The following R3HDM2 variants were observed in gnomAD, a reference collection of about 807,000 sequenced individuals.
R3HDM2 encodes the protein R3H domain-containing protein 2.
A neutral mutation model predicts 124.5 loss-of-function variants in R3HDM2; 38 were observed. The observed-to-expected ratio is 0.31, with a 90% CI of 0.24 to 0.40. R3HDM2 has a LOEUF of 0.40. Among genes scored for constraint, R3HDM2 ranks in the 10% least tolerant of loss-of-function variants. The probability of loss-of-function intolerance (pLI) is 1.00; values close to 1 mark genes in which losing one functional copy is unlikely to be tolerated. For synonymous variants in R3HDM2, 391 were observed against 448.0 expected, an observed-to-expected ratio of 0.87 and a Z score of 1.61; for missense variants, 869 against 1,236.9, an observed-to-expected ratio of 0.70 and a Z score of 4.46.
At chr12:57,375,422 A>G (rs1036242080) in intron 2 of R3HDM2, among the ~76,000 whole-genome samples, 9 of 152,216 alleles carry the variant, frequency 5.9e-5, no homozygotes, top group Non-Finnish European at 8.8e-5. Context: ...AATCAGATGA[A>G]TATCAGATGA....
intron 2 of R3HDM2, among the ~76,000 whole-genome samples, chr12:57,360,209 G>A (rs956571319): frequency 6.6e-6 from 1 of 151,312 alleles, no homozygotes; most frequent in Non-Finnish European, 1.5e-5. Context: ...TGAATTTTTA[G>A]TAGAGACAGG....
chr12:57,342,971 T>C (rs1450710785), intron 2 of R3HDM2, among the ~76,000 whole-genome samples: 4 of 152,102 alleles, frequency 2.6e-5, no homozygotes, highest in Non-Finnish European at 4.4e-5. Context: ...GAAAAATACT[T>C]TGGCTATAAA....
At chr12:57,381,971 A>G (rs2064952280) in intron 2 of R3HDM2, among the ~76,000 whole-genome samples, 1 of 150,976 alleles carries the variant, frequency 6.6e-6, no homozygotes. Flanking sequence ...ATGCACCACC[A>G]TGCCTGGCTA....
chr12:57,394,320 G>A (rs2067169044), intron 2 of R3HDM2, among the ~76,000 whole-genome samples: 1 of 151,592 alleles, frequency 6.6e-6, no homozygotes, highest in Non-Finnish European at 1.5e-5. Context: ...GAAAAGAAAT[G>A]GCACAGCGGG....
In R3HDM2 at chr12:57,296,279, A is replaced by C. The variant is rs2049862333; in HGVS notation, c.701+132T>G. On this transcript the variant is annotated intron_variant, in intron 9 of 23. Transcript: ENST00000402412. This position sits in a 1 kb window ranked among gnomAD's most constrained non-coding sequence, Gnocchi z 4.5. ...GCAGTCTTCCCATCTTGGCCTCCCA[A>C]AGTGCTGGGATTACAGGTGTGAGCC... The C allele has an allele frequency of 6.6e-6, 7 of 1,059,816 alleles. No individual in the cohort carries two copies. The highest frequency in any genetic ancestry group is 9.5e-6 in the Non-Finnish European group (7 of 738,186). The allele number at this position is 1,059,816 out of a possible 1,614,324, so 65.7% of individuals were successfully genotyped here.
intron 2 of R3HDM2, among the ~76,000 whole-genome samples, chr12:57,363,084 A>C (rs1430432874): frequency 6.6e-6 from 1 of 152,196 alleles, no homozygotes; most frequent in Non-Finnish European, 1.5e-5. Flanking sequence ...TGGCCTCCCA[A>C]AGTGCTGGAA....
chr12:57,356,255 T>G (rs572786184), intron 2 of R3HDM2, among the ~76,000 whole-genome samples: 4 of 152,164 alleles, frequency 2.6e-5, no homozygotes, highest in Non-Finnish European at 5.9e-5. Flanking sequence ...TTATTCAGAG[T>G]TTTTAACATG....
chr12:57,288,463 A>G (rs2047892721), intron 12 of R3HDM2, among the ~76,000 whole-genome samples: 1 of 151,932 alleles, frequency 6.6e-6, no homozygotes, highest in African/African-American at 2.4e-5. Context: ...ATGCTGGGTC[A>G]GGAATAATGT....
At chr12:57,402,799 C>T (rs2068158053) in intron 1 of R3HDM2, among the ~76,000 whole-genome samples, 1 of 152,028 alleles carries the variant, frequency 6.6e-6, no homozygotes, top group Non-Finnish European at 1.5e-5. Context: ...TCAAGTGATC[C>T]ACCTGCCTTG....
rs113140082 is a variant in R3HDM2 at position 57,296,177 on chromosome 12, C to CTT, written c.701+232_701+233dup. ...GCCACTGCGCCCGGCCATTTTTAAA[C>CTT]TTTTTTTTTTTTTTTAAAGTAATAG... On this transcript the variant is annotated intron_variant, in intron 9 of 23. Transcript: ENST00000402412. This position sits in a 1 kb window ranked among gnomAD's most constrained non-coding sequence, Gnocchi z 4.5. Among the ~76,000 whole-genome samples the CTT allele has an allele frequency of 7.0e-6, 1 of 143,442 alleles. No homozygotes were observed. The highest frequency in any genetic ancestry group is 2.5e-5 in the African/African-American group (1 of 39,362). 94.1% of individuals were successfully genotyped at this position (143,442 alleles called of 152,430 possible). A position where few individuals can be genotyped will look rare whatever the true frequency, so the allele number is the denominator to read the frequency against.
intron 21 of R3HDM2, 39 bp downstream of exon 21, chr12:57,257,951 G>T (rs1484831095): frequency 1.4e-6 from 2 of 1,431,996 alleles, no homozygotes; most frequent in South Asian, 3.4e-5. Flanking sequence ...GATGTGAAAG[G>T]TGAATTCCAT....
chr12:57,418,242 A>G, intron 1 of R3HDM2: 39 of 985,354 alleles, frequency 4.0e-5, no homozygotes, highest in Non-Finnish European at 4.7e-5. Flanking sequence ...CAATCTCCAA[A>G]TTCTGGAACC....
intron 2 of R3HDM2, among the ~76,000 whole-genome samples, chr12:57,359,333 A>T (rs1286610813): frequency 1.3e-5 from 2 of 152,194 alleles, no homozygotes; most frequent in Non-Finnish European, 2.9e-5. Flanking sequence ...AATGCTAGGT[A>T]TAGGTATGCA....
intron 19 of R3HDM2, 101 bp from the exon 20 acceptor site, chr12:57,259,160 C>T (rs1452178770): frequency 1.6e-6 from 2 of 1,228,004 alleles, no homozygotes; most frequent in Non-Finnish European, 2.3e-6. Flanking sequence ...CACCCATTGC[C>T]TCAGGGTCAC....
intron 13 of R3HDM2, among the ~76,000 whole-genome samples, chr12:57,280,930 T>TAG (rs113415134): frequency 0.96 from 145,629 of 151,070 alleles, 70,387 homozygotes; most frequent in South Asian, 1. Context: ...GTCCTTTTGC[T>TAG]AGAGAGAGAG....
chr12:57,426,373 A>G (rs1191044275), intron 1 of R3HDM2, among the ~76,000 whole-genome samples: 1 of 152,224 alleles, frequency 6.6e-6, no homozygotes, highest in Non-Finnish European at 1.5e-5. Flanking sequence ...TGAAAAAAGG[A>G]TCAAGTGTTC....
intron 14 of R3HDM2, among the ~76,000 whole-genome samples, chr12:57,277,922 G>A (rs201184266): frequency 1.3e-5 from 2 of 151,840 alleles, no homozygotes; most frequent in East Asian, 3.9e-4. Flanking sequence ...GGCCAATCAG[G>A]GAAAAAGAAA....
intron 3 of R3HDM2, among the ~76,000 whole-genome samples, chr12:57,308,596 G>A (rs1365202701): frequency 1.3e-5 from 2 of 152,052 alleles, no homozygotes; most frequent in Admixed American, 1.3e-4. Context: ...TGAGGCAGGA[G>A]AATCGCTTGA....
At chr12:57,425,918 G>A (rs2070698885) in intron 1 of R3HDM2, among the ~76,000 whole-genome samples, 1 of 151,734 alleles carries the variant, frequency 6.6e-6, no homozygotes, top group South Asian at 2.1e-4. Context: ...GGTAACTAAT[G>A]TACCAACCAA....
Sources: gnomAD v4.1 joint callset for allele counts (sites outside exome capture counted in the v4.1 genomes callset) on GRCh38, gnomAD v4.1.1 for gene constraint, Gnocchi (gnomAD v3.1) non-coding constraint, MANE v1.5 for transcripts, NCBI Gene and HGNC (gene_info 2026-07-23, HGNC 2026-07-21) for gene names.